Variants in SMYD3 observed in about 807,000 individuals in gnomAD.
SMYD3 encodes the protein SET and MYND domain containing 3.
SMYD3 carries 36 observed loss-of-function variants against 57.7 expected under a neutral mutation model. That is an observed-to-expected ratio of 0.62 (90% CI 0.48 to 0.82). SMYD3 has a LOEUF of 0.82. SMYD3 is among the 40% of genes least tolerant of loss of function. The pLI, the probability that SMYD3 is intolerant of heterozygous loss-of-function variation, is 0.00. For missense variants in SMYD3, 515 were observed against 538.8 expected, an observed-to-expected ratio of 0.96 and a Z score of 0.44; for synonymous variants, 211 against 195.0, an observed-to-expected ratio of 1.08 and a Z score of -0.68.
At chr1:245,912,218 T>G (rs866003934) in intron 8 of SMYD3, among the ~76,000 whole-genome samples, 1 of 151,876 alleles carries the variant, frequency 6.6e-6, no homozygotes, top group South Asian at 2.1e-4. Flanking sequence ...AATAATGAAC[T>G]ACCTGAAACA....
chr1:246,323,568 G>A (rs1256745962), intron 5 of SMYD3, among the ~76,000 whole-genome samples: 3 of 152,136 alleles, frequency 2.0e-5, no homozygotes, highest in Admixed American at 1.3e-4. Flanking sequence ...GACGAAATAT[G>A]CTCTCGGGAT....
intron 1 of SMYD3, among the ~76,000 whole-genome samples, chr1:246,400,551 T>A (rs951310029): frequency 1.3e-5 from 2 of 152,352 alleles, no homozygotes; most frequent in African/African-American, 4.8e-5. Flanking sequence ...ACCATTTTTT[T>A]AAAATTATTT....
chr1:246,412,528 T>C (rs544863128), intron 1 of SMYD3, among the ~76,000 whole-genome samples: 10 of 151,748 alleles, frequency 6.6e-5, no homozygotes, highest in Admixed American at 2.0e-4. Context: ...TTAAAAAGAA[T>C]ACTACCTGAT....
At chr1:246,106,877 T>C (rs1175403021) in intron 5 of SMYD3, among the ~76,000 whole-genome samples, 1 of 152,112 alleles carries the variant, frequency 6.6e-6, no homozygotes, top group Admixed American at 6.5e-5. Flanking sequence ...CTTGTATAGA[T>C]TCCTTAAACT....
intron 5 of SMYD3, among the ~76,000 whole-genome samples, chr1:246,038,591 G>C (rs746778165): frequency 6.6e-6 from 1 of 152,110 alleles, no homozygotes; most frequent in Non-Finnish European, 1.5e-5. Flanking sequence ...CCTATCAAAA[G>C]AAAATTAGAA....
chr1:246,329,044 T>C (rs1449932306), intron 4 of SMYD3, among the ~76,000 whole-genome samples: 1 of 152,224 alleles, frequency 6.6e-6, no homozygotes, highest in Non-Finnish European at 1.5e-5. Context: ...GGATGCATAG[T>C]ATTCCATGGT....
intron 5 of SMYD3, among the ~76,000 whole-genome samples, chr1:246,240,104 A>C (rs940527541): frequency 2.0e-5 from 3 of 152,084 alleles, no homozygotes; most frequent in Non-Finnish European, 4.4e-5. Context: ...ATTCGAACCC[A>C]TTTGTCTACT....
chr1:246,192,831 G>A (rs746088134), intron 5 of SMYD3, among the ~76,000 whole-genome samples: 18 of 151,792 alleles, frequency 1.2e-4, no homozygotes, highest in Non-Finnish European at 2.6e-4. Context: ...AGAACAGTAA[G>A]TCCTCCTGGG....
At chr1:246,488,116 A>T (rs1332517685) in intron 1 of SMYD3, among the ~76,000 whole-genome samples, 1 of 152,222 alleles carries the variant, frequency 6.6e-6, no homozygotes, top group Admixed American at 6.5e-5. Context: ...TCCAAACTAC[A>T]ATTAAATCCA....
At chr1:246,295,708 C>T (rs2064780707) in intron 5 of SMYD3, among the ~76,000 whole-genome samples, 1 of 152,010 alleles carries the variant, frequency 6.6e-6, no homozygotes, top group African/African-American at 2.4e-5. Context: ...AGCAAGAGAC[C>T]CTCAGGTTAC....
Position 246,202,977 on chromosome 1 carries a change from T to A in SMYD3, c.531+124224A>T, listed in dbSNP as rs1395821777. On this transcript the variant is annotated intron_variant, in intron 5 of 11. Coordinates refer to ENST00000490107, the MANE Select transcript of SMYD3 (RefSeq NM_001167740.2). The surrounding 1 kb of genome is among the most constrained non-coding windows in gnomAD (Gnocchi z 4.1). ...CCGTCTCTACTAAAAATACAAAATTTAGCTGGTCGTGGTGGTGGGCGCCTA... is the reference window on the plus strand; with the variant it reads ...CCGTCTCTACTAAAAATACAAAATTAAGCTGGTCGTGGTGGTGGGCGCCTA... 6.6e-6 allele frequency among the ~76,000 whole-genome samples: 1 copy of A among 151,922 alleles called. No homozygotes were observed. The highest frequency in any genetic ancestry group is 1.5e-5 in the Non-Finnish European group (1 of 67,966).
chr1:245,866,261 G>A (rs1445977345), intron 8 of SMYD3, among the ~76,000 whole-genome samples: 2 of 152,306 alleles, frequency 1.3e-5, no homozygotes, highest in East Asian at 3.9e-4. Context: ...GGAGATAGGA[G>A]CACTTGTGTC....
intron 1 of SMYD3, among the ~76,000 whole-genome samples, chr1:246,463,348 C>A (rs926417802): frequency 3.3e-5 from 5 of 152,012 alleles, no homozygotes; most frequent in African/African-American, 1.2e-4. Flanking sequence ...GCTAACAGGT[C>A]AGGGAGAGGG....
chr1:246,068,690 T>C (rs2148375047), intron 5 of SMYD3, among the ~76,000 whole-genome samples: 1 of 152,292 alleles, frequency 6.6e-6, no homozygotes, highest in South Asian at 2.1e-4. Context: ...ACAGAAGCAT[T>C]TGTTATTGTT....
chr1:246,331,093 C>G (rs7517674), intron 3 of SMYD3, among the ~76,000 whole-genome samples: 39,106 of 152,094 alleles, frequency 0.26, 5,609 homozygotes, highest in Middle Eastern at 0.43. Flanking sequence ...TATGATTGTG[C>G]TACTATACTC....
chr1:245,778,796 A>C (rs1162216291), intron 10 of SMYD3, among the ~76,000 whole-genome samples: 1 of 146,624 alleles, frequency 6.8e-6, no homozygotes, highest in East Asian at 2.0e-4. Flanking sequence ...CACCAAAAAT[A>C]TGATTCATAA....
intron 10 of SMYD3, among the ~76,000 whole-genome samples, chr1:245,829,439 C>T (rs1201472800): frequency 1.3e-5 from 2 of 151,992 alleles, no homozygotes; most frequent in African/African-American, 4.8e-5. Flanking sequence ...GAGATACTAC[C>T]GCCCATCCAC....
intron 1 of SMYD3, among the ~76,000 whole-genome samples, chr1:246,445,294 T>C (rs1208663195): frequency 6.6e-6 from 1 of 152,184 alleles, no homozygotes; most frequent in Non-Finnish European, 1.5e-5. Context: ...TGTAAATCAC[T>C]GCCCATTTTT....
chr1:246,119,784 A>G (rs1450651597), intron 5 of SMYD3, among the ~76,000 whole-genome samples: 1 of 152,064 alleles, frequency 6.6e-6, no homozygotes, highest in African/African-American at 2.4e-5. Context: ...CGCCAGTTTC[A>G]TCTCCTGCCA....
Sources: allele counts gnomAD v4.1 joint callset (sites outside exome capture counted in the v4.1 genomes callset), GRCh38; gene constraint gnomAD v4.1.1; non-coding constraint Gnocchi (gnomAD v3.1); transcripts MANE v1.5; gene names NCBI Gene and HGNC (gene_info 2026-07-23, HGNC 2026-07-21).